Variants in ST18 observed in about 807,000 individuals in gnomAD.
The protein encoded by ST18 is ST18 C2H2C-type zinc finger transcription factor.
ST18 carries 50 observed loss-of-function variants against 110.0 expected under a neutral mutation model. The ratio of observed to expected loss-of-function variants is 0.45; its 90% CI spans 0.36 to 0.58. The LOEUF (loss-of-function observed/expected upper bound fraction) is 0.58. ST18 is among the 20% of genes least tolerant of loss of function. The pLI, the probability that ST18 is intolerant of heterozygous loss-of-function variation, is 0.00. For synonymous variants in ST18, 461 were observed against 452.4 expected, an observed-to-expected ratio of 1.02 and a Z score of -0.24; for missense variants, 1,306 against 1,280.1, an observed-to-expected ratio of 1.02 and a Z score of -0.31.
At chr8:52,341,393 T>A (rs1590066985) in intron 2 of ST18, among the ~76,000 whole-genome samples, 1 of 152,210 alleles carries the variant, frequency 6.6e-6, no homozygotes, top group South Asian at 2.1e-4. Context: ...TTGCTAAGAC[T>A]TGGAGACCTT....
intron 2 of ST18, among the ~76,000 whole-genome samples, chr8:52,261,524 T>C (rs1466012905): frequency 6.6e-6 from 1 of 152,214 alleles, no homozygotes; most frequent in African/African-American, 2.4e-5. Flanking sequence ...ACTTTCTCAA[T>C]CTTAGCAGGA....
At chr8:52,132,981 T>C (rs897453370) in intron 21 of ST18, 76 bp downstream of exon 21, 4 of 1,507,202 alleles carry the variant, frequency 2.7e-6, no homozygotes, top group African/African-American at 2.8e-5. Flanking sequence ...CCGTGTTCAA[T>C]TGCATCCCAA....
intron 2 of ST18, among the ~76,000 whole-genome samples, chr8:52,259,517 C>T (rs1278612385): frequency 6.6e-6 from 1 of 151,938 alleles, no homozygotes; most frequent in Non-Finnish European, 1.5e-5. Context: ...ATTATTAAAA[C>T]CATAAAATCA....
At chr8:52,196,429 A>G (rs1232593337) in intron 8 of ST18, among the ~76,000 whole-genome samples, 1 of 152,148 alleles carries the variant, frequency 6.6e-6, no homozygotes, top group Non-Finnish European at 1.5e-5. Flanking sequence ...TTATTTGGCG[A>G]ATGCCTGCAT....
chr8:52,182,960 C>T (rs2070435267), intron 8 of ST18, among the ~76,000 whole-genome samples: 1 of 152,170 alleles, frequency 6.6e-6, no homozygotes, highest in Non-Finnish European at 1.5e-5. Context: ...TGAACTCATA[C>T]TGACTTTAAG....
intron 2 of ST18, among the ~76,000 whole-genome samples, chr8:52,231,635 C>G (rs943037241): frequency 1.3e-5 from 2 of 152,142 alleles, no homozygotes; most frequent in Non-Finnish European, 2.9e-5. Context: ...GGCCACCAAG[C>G]CCAGTGAATT....
At chr8:52,244,311 G>C (rs980184919) in intron 2 of ST18, among the ~76,000 whole-genome samples, 4 of 152,182 alleles carry the variant, frequency 2.6e-5, no homozygotes, top group Non-Finnish European at 5.9e-5. Flanking sequence ...AATTGAATGT[G>C]AGTATTTCAG....
At chr8:52,350,205 T>A (rs1051724802) in intron 2 of ST18, among the ~76,000 whole-genome samples, 2 of 152,210 alleles carry the variant, frequency 1.3e-5, no homozygotes, top group Non-Finnish European at 2.9e-5. Flanking sequence ...TTAATCATTA[T>A]GCTCATGAAA....
chr8:52,183,283 G>A (rs2070631603), intron 8 of ST18, among the ~76,000 whole-genome samples: 1 of 152,168 alleles, frequency 6.6e-6, no homozygotes, highest in African/African-American at 2.4e-5. Flanking sequence ...AGAAGATACT[G>A]AGTTGCAGCA....
intron 2 of ST18, among the ~76,000 whole-genome samples, chr8:52,388,234 C>T (rs1175838641): frequency 6.6e-6 from 1 of 152,080 alleles, no homozygotes; most frequent in African/African-American, 2.4e-5. Context: ...GATGTGCACC[C>T]GGCTGAGCAG....
At chr8:52,270,534 C>T (rs1412245733) in intron 2 of ST18, among the ~76,000 whole-genome samples, 2 of 152,160 alleles carry the variant, frequency 1.3e-5, no homozygotes, top group Non-Finnish European at 2.9e-5. Context: ...TTAAAACCTA[C>T]TCATCTTGCA....
At chr8:52,273,928 C>A (rs932361522) in intron 2 of ST18, among the ~76,000 whole-genome samples, 2 of 152,182 alleles carry the variant, frequency 1.3e-5, no homozygotes, top group Admixed American at 6.5e-5. Context: ...TACTATATTT[C>A]TCATACATTT....
At chr8:52,133,691 TA>T (rs1777339173) in intron 19 of ST18, among the ~76,000 whole-genome samples, 1 of 150,520 alleles carries the variant, frequency 6.6e-6, no homozygotes, top group South Asian at 2.1e-4. Context: ...ACCTTTTATG[TA>T]AAAAGAAAAG....
At chr8:52,227,689 T>C (rs2136714714) in intron 3 of ST18, among the ~76,000 whole-genome samples, 1 of 152,358 alleles carries the variant, frequency 6.6e-6, no homozygotes, top group East Asian at 1.9e-4. Flanking sequence ...AGGAACTTTT[T>C]CCTTTAGTGT....
chr8:52,154,043 A>T (rs189946786), intron 15 of ST18, among the ~76,000 whole-genome samples: 1 of 152,354 alleles, frequency 6.6e-6, no homozygotes, highest in Admixed American at 6.5e-5. Context: ...ATACGAAAAG[A>T]GACATGTTCT....
chr8:52,301,717 T>G (rs924318063), intron 2 of ST18: 5 of 152,214 alleles, frequency 3.3e-5, no homozygotes, highest in Non-Finnish European at 7.3e-5. Flanking sequence ...AGAAAGTCAG[T>G]AGAAAATCCA....
intron 2 of ST18, among the ~76,000 whole-genome samples, chr8:52,336,388 T>C (rs1302363215): frequency 6.6e-6 from 1 of 152,140 alleles, no homozygotes; most frequent in East Asian, 1.9e-4. Flanking sequence ...TGGCATCAAG[T>C]GATCTGCCCA....
chr8:52,133,275 G>A lies in ST18; in HGVS notation c.2327C>T (p.Ser776Leu), dbSNP rs754269611. The change falls in exon 20 of 26, where the codon TCG becomes TTG. Residue 776 changes from serine to leucine, a missense_variant. Transcript: ENST00000689386. The part of the protein sequence containing the change: ...LKCPTPGCDG[S>L]GHVTGNYASH... ...AGCATAGTTTCCAGTCACGTGCCCC[G>A]AGCCATCGCAGCCTGGGGTTGGACA... is the stretch of plus-strand genomic sequence containing the variant. 6 of 1,614,074 alleles carry A rather than the reference G, an allele frequency of 3.7e-6. No individual in the cohort carries two copies. Among genetic ancestry groups the A allele is most frequent in the Admixed American group, 1.7e-5 (1 of 60,008 alleles).
At chr8:52,166,682 A>G (rs2063112281) in intron 11 of ST18, among the ~76,000 whole-genome samples, 170 bp downstream of exon 11, 1 of 152,148 alleles carries the variant, frequency 6.6e-6, no homozygotes, top group Non-Finnish European at 1.5e-5. Context: ...TGCACCTTGA[A>G]TTTTCTATAA....
Sources: gnomAD v4.1 joint callset for allele counts (sites outside exome capture counted in the v4.1 genomes callset) on GRCh38, gnomAD v4.1.1 for gene constraint, MANE v1.5 for transcripts, NCBI Gene and HGNC (gene_info 2026-07-23, HGNC 2026-07-21) for gene names.